The following SRSF1 variants were observed in gnomAD, a reference collection of about 807,000 sequenced individuals.
SRSF1 encodes the protein serine and arginine rich splicing factor 1.
In SRSF1, 1 loss-of-function variant was observed where a neutral mutation model predicts 25.9. The ratio of observed to expected loss-of-function variants is 0.04; its 90% CI spans 0.01 to 0.18. The LOEUF is 0.18. Ranked by LOEUF, SRSF1 falls within the 10% of genes least tolerant of loss-of-function variation. The pLI is 1.00. For synonymous variants in SRSF1, 132 were observed against 126.2 expected (o/e 1.05, Z -0.31); for missense variants, 65 against 350.5 (o/e 0.19, Z 6.50).
chr17:57,994,113 A>G, the SRSF1 span: 2 of 152,358 alleles, frequency 1.3e-5, no homozygotes, highest in South Asian at 2.1e-4. Flanking sequence ...AAGGCATCAT[A>G]TACTTATTCC....
At chr17:57,989,280 C>T in the SRSF1 span, 14 of 398,454 alleles carry the variant, frequency 3.5e-5, no homozygotes, top group Non-Finnish European at 4.9e-5. Context: ...CTGGGAATAT[C>T]AGAGACAAGC....
the SRSF1 span, chr17:57,989,164 C>A: frequency 5.0e-6 from 2 of 398,494 alleles, no homozygotes; most frequent in South Asian, 2.6e-4. Context: ...GTTTGCAGTT[C>A]CAAGTCTTCC....
At chr17:57,989,621 C>CCT in the SRSF1 span, 1 of 398,554 alleles carries the variant, frequency 2.5e-6, no homozygotes. Flanking sequence ...AAGAATACCC[C>CCT]CTCCCATTCT....
chr17:58,001,713 A>G lies in SRSF1; in HGVS notation c.*3693T>C, dbSNP rs2075392092. Reference sequence around the variant, plus strand: ...TGTAACTTTCTTCTAATAATTGCCAATACGGATAGAGACCTAAAGGTCCAT... The same window carrying G: ...TGTAACTTTCTTCTAATAATTGCCAGTACGGATAGAGACCTAAAGGTCCAT... On this transcript the variant is annotated 3_prime_UTR_variant, in exon 4 of 4. Transcript: ENST00000258962. 6.6e-6 allele frequency among the ~76,000 whole-genome samples: 1 copy of G among 152,222 alleles called. No homozygotes were observed. The highest frequency in any genetic ancestry group is 2.4e-5 in the African/African-American group (1 of 41,462).
chr17:57,996,534 GAAGAA>G (rs2075366106), downstream of SRSF1, among the ~76,000 whole-genome samples: 1 of 143,956 alleles, frequency 6.9e-6, no homozygotes, highest in African/African-American at 2.6e-5. Flanking sequence ...CTATGTAGCT[GAAGAA>G]AACAAAGCAT....
rs1186721354 is a variant in SRSF1, at chr17:58,001,695, T to G, written c.*3711A>C. On this transcript the variant is annotated 3_prime_UTR_variant, in exon 4 of 4. Transcript: ENST00000258962. The stretch of plus-strand genomic sequence containing the variant: ...TTTGTAGTTTCAAAAGGGTGTAACT[T>G]TCTTCTAATAATTGCCAATACGGAT... 1.3e-5 allele frequency among the ~76,000 whole-genome samples: 2 copies of G among 152,186 alleles called. No individual in the cohort carries two copies. The highest frequency in any genetic ancestry group is 4.8e-5 in the African/African-American group (2 of 41,438).
chr17:57,997,683 A>C (rs1442596699), downstream of SRSF1, among the ~76,000 whole-genome samples: 3 of 152,218 alleles, frequency 2.0e-5, no homozygotes, highest in Non-Finnish European at 4.4e-5. Flanking sequence ...AAAAATGCTG[A>C]TATGGCAACT....
At chr17:57,989,584 A>T in the SRSF1 span, 1 of 398,132 alleles carries the variant, frequency 2.5e-6, no homozygotes, top group Non-Finnish European at 4.4e-6. Flanking sequence ...GTAATTTGAC[A>T]GTGTGTTTCC....
rs558272465 is a variant in SRSF1 at position 58,002,896 on chromosome 17, T to C, written c.*2510A>G. ...GCAAGGGTGGCACACACTTGTAGTC[T>C]CAGCTACTTGGGAGACTGAGGCACG... On this transcript the variant is annotated 3_prime_UTR_variant, in exon 4 of 4. Transcript: ENST00000258962. Among the ~76,000 whole-genome samples the C allele has an allele frequency of 1.9e-4, 29 of 152,224 alleles. No homozygotes were observed. Among genetic ancestry groups the C allele is most frequent in the African/African-American group, 6.7e-4 (28 of 41,542 alleles).
downstream of SRSF1, among the ~76,000 whole-genome samples, chr17:58,000,836 A>G (rs965533854): frequency 2.0e-5 from 3 of 152,156 alleles, no homozygotes; most frequent in African/African-American, 7.2e-5. Context: ...AACCCTCAGC[A>G]AAGTCTGTGG....
At chr17:57,994,586 G>GT in the SRSF1 span, 1 of 152,142 alleles carries the variant, frequency 6.6e-6, no homozygotes, top group Non-Finnish European at 1.5e-5. Context: ...AAGAGCCCTG[G>GT]TAAACACCCA....
chr17:58,001,257 CAACA>C lies in SRSF1; in HGVS notation c.*4145_*4148del, dbSNP rs918453319. On this transcript the variant is annotated 3_prime_UTR_variant, in exon 4 of 4. Coordinates refer to ENST00000258962, the MANE Select transcript of SRSF1 (RefSeq NM_006924.5). Reference sequence around the variant, plus strand: ...AATGACCAAGACAATGTTTCAAAGACAACAAACACCAAGAAAAGTTGAGATTCTA... The same window carrying C: ...AATGACCAAGACAATGTTTCAAAGACAACACCAAGAAAAGTTGAGATTCTA... Among the ~76,000 whole-genome samples the C allele has an allele frequency of 3.9e-5, 6 of 152,094 alleles. No individual in the cohort carries two copies. The highest frequency in any genetic ancestry group is 9.7e-5 in the African/African-American group (4 of 41,426).
intron 2 of SRSF1, 139 bp downstream of exon 2, chr17:58,006,204 G>A (rs539959628): frequency 1.9e-4 from 221 of 1,159,764 alleles, no homozygotes; most frequent in Non-Finnish European, 2.6e-4. Flanking sequence ...AGCAATCCTC[G>A]TTTATTAAAT....
Position 58,004,994 on chromosome 17 carries a change from C to T in SRSF1, c.*412G>A, listed in dbSNP as rs1053625787. 7 of 417,426 alleles carry T rather than the reference C, an allele frequency of 1.7e-5. No homozygotes were observed. Among genetic ancestry groups the T allele is most frequent in the South Asian group, 9.4e-5 (1 of 10,600 alleles). The allele number at this position is 417,426 out of a possible 1,614,324, so 25.9% of individuals were successfully genotyped here. Reference sequence around the variant, plus strand: ...AATCCTAAAATGATTGAAATGTGCTCCACAATCCTTAATCCAAAGCATTCT... The same window carrying T: ...AATCCTAAAATGATTGAAATGTGCTTCACAATCCTTAATCCAAAGCATTCT... On this transcript the variant is annotated 3_prime_UTR_variant, in exon 4 of 4. Transcript: ENST00000258962.
In SRSF1 at chr17:58,006,417, C is replaced by T; in HGVS notation, c.305G>A (p.Gly102Asp). Residue 102 changes from glycine (G) to aspartate (D), a missense_variant, in exon 2 of 4, where the codon GGT (glycine) becomes GAT (aspartate). Around this residue, in one of 2 missense-constraint regions of SRSF1, gnomAD observed 63 missense variants for 284.8 expected, o/e 0.22. Transcript: ENST00000258962. ...GRGTGRGGGG[G>D]GGGGAPRGRY... ...ACCTCGGGGAGCTCCGCCACCTCCA[C>T]CCCCGCCGCCGCCTCGGCCTGTTCC... The T allele has an allele frequency of 1.9e-6, 3 of 1,613,162 alleles. No homozygotes were observed. Among genetic ancestry groups the T allele is most frequent in the Non-Finnish European group, 2.5e-6 (3 of 1,180,022 alleles).
rs2075420306 is a variant in SRSF1, at chr17:58,005,385, CA to C, written c.*20del. On this transcript the variant is annotated 3_prime_UTR_variant, in exon 4 of 4. Transcript: ENST00000258962. This position sits in a 1 kb window ranked among gnomAD's most constrained non-coding sequence, Gnocchi z 5.2. ...AAAACTGTATACAACATGGGTTCTA[CA>C]AAAAGTGTCACCAATCATCTTATGT... The C allele has an allele frequency of 6.2e-7, 1 of 1,611,690 alleles. No homozygotes were observed. Among genetic ancestry groups the C allele is most frequent in the Admixed American group, 1.7e-5 (1 of 59,968 alleles).
rs536220362 is a variant in SRSF1 at position 58,005,985 on chromosome 17, A to G, written c.380-12T>C. On this transcript the variant is annotated splice_polypyrimidine_tract_variant and intron_variant, in intron 2 of 3. Transcript: ENST00000258962. The surrounding 1 kb of genome is among the most constrained non-coding windows in gnomAD (Gnocchi z 5.2). ...ACTTGGAGGCAGTCCTGAAAAAGTG[A>G]TTTTTTTTTTCTTAGTACCAATTAT... 1.3e-6 allele frequency: 2 copies of G among 1,567,192 alleles called. No individual in the cohort carries two copies. Among genetic ancestry groups the G allele is most frequent in the Non-Finnish European group, 8.7e-7 (1 of 1,151,890 alleles).
chr17:58,002,904 T>C lies in SRSF1; in HGVS notation c.*2502A>G, dbSNP rs2075401824. Among the ~76,000 whole-genome samples, 1 of 152,116 alleles carries C rather than the reference T, an allele frequency of 6.6e-6. No individual in the cohort carries two copies. Among genetic ancestry groups the C allele is most frequent in the African/African-American group, 2.4e-5 (1 of 41,432 alleles). ...GGCACACACTTGTAGTCTCAGCTAC[T>C]TGGGAGACTGAGGCACGAGAATCAC... is the stretch of plus-strand genomic sequence containing the variant. On this transcript the variant is annotated 3_prime_UTR_variant, in exon 4 of 4. Coordinates refer to ENST00000258962, the MANE Select transcript of SRSF1 (RefSeq NM_006924.5).
At chr17:58,006,008 T>C (rs1187996084) in intron 2 of SRSF1, 35 bp from the exon 3 acceptor site, 1 of 1,586,598 alleles carries the variant, frequency 6.3e-7, no homozygotes, top group Non-Finnish European at 8.6e-7. Flanking sequence ...TAGTACCAAT[T>C]ATCTTAAATT....
Sources: gnomAD v4.1 joint callset for allele counts (sites outside exome capture counted in the v4.1 genomes callset) on GRCh38, gnomAD v4.1.1 for gene constraint, gnomAD v4.1.1 regional missense constraint, Gnocchi (gnomAD v3.1) non-coding constraint, MANE v1.5 for transcripts, NCBI Gene and HGNC (gene_info 2026-07-23, HGNC 2026-07-21) for gene names.